COL6A5: variants seen among roughly 807,000 people sequenced by gnomAD.
COL6A5 encodes the protein collagen alpha-5(VI) chain.
COL6A5 carries 48 observed loss-of-function variants against 65.6 expected under a neutral mutation model. The observed-to-expected ratio is 0.73, with a 90% CI of 0.58 to 0.93. The LOEUF (loss-of-function observed/expected upper bound fraction) is 0.93, where lower values mean the gene tolerates loss of function less well. COL6A5 is among the 40% of genes least tolerant of loss of function. The pLI, the probability that COL6A5 is intolerant of heterozygous loss-of-function variation, is 0.00. For missense variants in COL6A5, 914 were observed against 928.3 expected, an observed-to-expected ratio of 0.98 and a Z score of 0.20; for synonymous variants, 291 against 322.8, an observed-to-expected ratio of 0.90 and a Z score of 1.05.
At chr3:130,389,036 A>G in exon 6 of COL6A5, 2 of 1,519,732 alleles carry the variant, frequency 1.3e-6, no homozygotes, top group Non-Finnish European at 1.8e-6. Context: ...CAGCTAGAAG[A>G]GATCAGTGGG....
chr3:130,394,400 G>A (rs1403892140), intron 7 of COL6A5, among the ~76,000 whole-genome samples: 1 of 152,124 alleles, frequency 6.6e-6, no homozygotes, highest in Non-Finnish European at 1.5e-5. Flanking sequence ...TCATAAGGTG[G>A]TTGTGAATAT....
At chr3:130,432,330 G>A (rs67891747) in intron 1 of COL6A5, among the ~76,000 whole-genome samples, 6 of 152,112 alleles carry the variant, frequency 3.9e-5, no homozygotes, top group Middle Eastern at 6.8e-3. Flanking sequence ...CAAGGCGGGC[G>A]AATCATGAGG....
chr3:130,404,242 C>T (rs2107667433), intron 13 of COL6A5, among the ~76,000 whole-genome samples: 1 of 152,270 alleles, frequency 6.6e-6, no homozygotes. Flanking sequence ...TCTCATCAAT[C>T]AAATTGTGAG....
intron 5 of COL6A5, among the ~76,000 whole-genome samples, chr3:130,465,421 G>A (rs929571675): frequency 6.6e-6 from 1 of 152,032 alleles, no homozygotes; most frequent in East Asian, 1.9e-4. Context: ...ACAGGGCTAG[G>A]AATCATGTTT....
At chr3:130,426,334 T>C in intron 30 of COL6A5, 33 bp from the exon 31 acceptor site, 1 of 1,551,388 alleles carries the variant, frequency 6.4e-7, no homozygotes, top group African/African-American at 1.4e-5. Context: ...TGTACTTGCA[T>C]TTCTTTTCTC....
Position 130,449,359 on chromosome 3 carries a change from A to T in COL6A5, c.1332+5793A>T, listed in dbSNP as rs146899922. Reference sequence around the variant, plus strand: ...CCATCATATGCTGACTGGGAGCACTATAAGAGTTATGTGGAATATTAATTT... The same window carrying T: ...CCATCATATGCTGACTGGGAGCACTTTAAGAGTTATGTGGAATATTAATTT... On this transcript the variant is annotated intron_variant, in intron 4 of 7. Coordinates refer to ENST00000512836, the Ensembl canonical transcript of COL6A5. Among the ~76,000 whole-genome samples, 135 of 152,238 alleles carry T rather than the reference A, an allele frequency of 8.9e-4. 1 individual carries two copies. The highest frequency in any genetic ancestry group is 2.9e-3 in the African/African-American group (122 of 41,568).
intron 7 of COL6A5, among the ~76,000 whole-genome samples, chr3:130,393,460 A>C (rs1014555976): frequency 1.3e-5 from 2 of 152,108 alleles, no homozygotes; most frequent in Non-Finnish European, 2.9e-5. Context: ...TATCTATCAA[A>C]AGACTACAAG....
intron 24 of COL6A5, among the ~76,000 whole-genome samples, chr3:130,417,092 A>C (rs1937366594): frequency 6.9e-6 from 1 of 145,874 alleles, no homozygotes; most frequent in Admixed American, 6.8e-5. Flanking sequence ...CTTGGCCCCC[A>C]CCCCCCGACA....
exon 6 of COL6A5, chr3:130,388,854 T>C: frequency 6.4e-7 from 1 of 1,551,360 alleles, no homozygotes; most frequent in African/African-American, 1.4e-5. Flanking sequence ...AGGCACTAAA[T>C]TTTGTAGGTC....
At chr3:130,413,116 C>A (rs1478459964) in intron 20 of COL6A5, among the ~76,000 whole-genome samples, 5 of 152,008 alleles carry the variant, frequency 3.3e-5, no homozygotes, top group Non-Finnish European at 4.4e-5. Context: ...CATTTGGCTA[C>A]CCTCTGGAAA....
chr3:130,468,780 G>C lies in COL6A5; in HGVS notation c.1545-15G>C. The C allele has an allele frequency of 6.3e-7, 1 of 1,583,304 alleles. No individual in the cohort carries two copies. Among genetic ancestry groups the C allele is most frequent in the Non-Finnish European group, 8.6e-7 (1 of 1,160,446 alleles). ...CTTTCCATTAAAAAGAATGACTTGA[G>C]TTATTCTGTTGCAGGACATGAAAAT... On this transcript the variant is annotated splice_polypyrimidine_tract_variant and intron_variant, in intron 5 of 7. Transcript: ENST00000512836.
At chr3:130,405,501 G>A (rs1393411481) in intron 13 of COL6A5, 87 bp from the exon 14 acceptor site, 2 of 880,190 alleles carry the variant, frequency 2.3e-6, no homozygotes, top group Non-Finnish European at 1.8e-6. Context: ...GTGCCCATGT[G>A]CTTTGTCTTA....
At position 130,356,871 on chromosome 3, in the gene COL6A5, C is replaced by T. The variant is rs76948045; in HGVS notation, c.-29+10890C>T. Among the ~76,000 whole-genome samples the T allele has an allele frequency of 9.2e-3, 1,399 of 152,130 alleles. 11 individuals carry two copies. Among genetic ancestry groups the T allele is most frequent in the South Asian group, 0.061 (296 of 4,816 alleles). On this transcript the variant is annotated intron_variant and NMD_transcript_variant, in intron 1 of 41. Coordinates refer to the COL6A5 transcript ENST00000312481. ...CTGTACTCAGGAAAATGCGTTGCCT[C>T]AAAAAGCTCTTATTACCACATAGGA...
At chr3:130,476,087 G>A (rs1710089902) in intron 7 of COL6A5, among the ~76,000 whole-genome samples, 1 of 152,082 alleles carries the variant, frequency 6.6e-6, no homozygotes, top group Non-Finnish European at 1.5e-5. Flanking sequence ...CATAGACTGG[G>A]TGGCTTAAAT....
intron 1 of COL6A5, among the ~76,000 whole-genome samples, chr3:130,357,282 G>A (rs1934957054): frequency 6.6e-6 from 1 of 152,176 alleles, no homozygotes; most frequent in Non-Finnish European, 1.5e-5. Flanking sequence ...AACTAAAGAA[G>A]CAACAGAAAA....
chr3:130,361,731 C>T (rs1271973196), intron 1 of COL6A5, among the ~76,000 whole-genome samples: 2 of 152,026 alleles, frequency 1.3e-5, no homozygotes, highest in Non-Finnish European at 2.9e-5. Context: ...CACATTCTTG[C>T]CAGCATTTGG....
chr3:130,445,672 C>T (rs184913347), intron 4 of COL6A5, among the ~76,000 whole-genome samples: 1 of 151,942 alleles, frequency 6.6e-6, no homozygotes, highest in Admixed American at 6.6e-5. Context: ...AGGCCTGGTG[C>T]GGGGGGGATA....
rs931947339 is a variant in COL6A5 at position 130,421,151 on chromosome 3, A to G, written c.4951-2A>G. ...TTGAAAAAAACTGGTGTGTTTACAC[A>G]GGGAGATTCTGGCATCCCAGGCTAC... On this transcript the variant is annotated splice_acceptor_variant and NMD_transcript_variant, in intron 25 of 41. Transcript: ENST00000312481. 2 of 1,550,462 alleles carry G rather than the reference A, an allele frequency of 1.3e-6. No individual in the cohort carries two copies. Among genetic ancestry groups the G allele is most frequent in the East Asian group, 4.9e-5 (2 of 40,892 alleles).
chr3:130,376,958 C>G (rs938482632), intron 3 of COL6A5, 122 bp downstream of exon 3: 76 of 1,119,466 alleles, frequency 6.8e-5, no homozygotes, highest in Middle Eastern at 2.3e-4. Flanking sequence ...TTGGAAACTT[C>G]TACACATCAT....
Sources: gnomAD v4.1 joint callset for allele counts (sites outside exome capture counted in the v4.1 genomes callset) on GRCh38, gnomAD v4.1.1 for gene constraint, MANE v1.5 for transcripts, NCBI Gene and HGNC (gene_info 2026-07-23, HGNC 2026-07-21) for gene names.